Variants in SMIM36 observed in about 807,000 individuals in gnomAD.
The protein encoded by SMIM36 is small integral membrane protein 36.
chr17:55,460,455 A>AAAAAAAAAAAAAAAC (rs1567862737), intron 4 of SMIM36, among the ~76,000 whole-genome samples: 8 of 148,798 alleles, frequency 5.4e-5, no homozygotes, highest in African/African-American at 1.5e-4. Context: ...AACAAAACAA[A>AAAAAAAAAAAAAAAC]AAAAAAGAAC....
intron 1 of SMIM36, among the ~76,000 whole-genome samples, chr17:55,497,905 C>T (rs1475535162): frequency 1.3e-5 from 2 of 152,270 alleles, no homozygotes; most frequent in African/African-American, 2.4e-5. Context: ...ACATCCTAAA[C>T]ATTCCTTTTA....
intron 1 of SMIM36, among the ~76,000 whole-genome samples, chr17:55,502,102 A>G (rs1909999236): frequency 6.6e-6 from 1 of 151,442 alleles, no homozygotes; most frequent in Non-Finnish European, 1.5e-5. Flanking sequence ...GATTGCTAGC[A>G]CAGCAGTCTG....
the SMIM36 span, among the ~76,000 whole-genome samples, chr17:55,526,157 T>A: frequency 6.6e-6 from 1 of 151,926 alleles, no homozygotes; most frequent in African/African-American, 2.4e-5. Flanking sequence ...TTATGATTAT[T>A]ATTTGAGATG....
At chr17:55,455,218 G>A (rs778649069) in intron 4 of SMIM36, among the ~76,000 whole-genome samples, 1 of 152,184 alleles carries the variant, frequency 6.6e-6, no homozygotes, top group Non-Finnish European at 1.5e-5. Context: ...ATATGATAGG[G>A]AATACATGGT....
Position 55,500,944 on chromosome 17 carries a change from TTATAA to T in SMIM36, c.*174+9930_*174+9934del, listed in dbSNP as rs1239505036. 9.2e-5 allele frequency among the ~76,000 whole-genome samples: 4 copies of T among 43,586 alleles called. 2 individuals are homozygous for T. Among genetic ancestry groups the T allele is most frequent in the African/African-American group, 4.6e-4 (4 of 8,658 alleles). 28.6% of individuals were successfully genotyped at this position (43,586 alleles called of 152,430 possible). A position where few individuals can be genotyped will look rare whatever the true frequency, so the allele number is the denominator to read the frequency against. ...AATATATTATATTTTATAATATATA[TTATAA>T]TATATTATATTTTATAATATATATT... On this transcript the variant is annotated intron_variant, in intron 1 of 4. Transcript: ENST00000636752.
chr17:55,471,308 C>G (rs1295952730), intron 3 of SMIM36, among the ~76,000 whole-genome samples: 1 of 152,168 alleles, frequency 6.6e-6, no homozygotes, highest in African/African-American at 2.4e-5. Context: ...TGATGATCTT[C>G]TTCTTTGCAG....
intron 1 of SMIM36, among the ~76,000 whole-genome samples, chr17:55,480,304 G>A (rs1909498400): frequency 6.6e-6 from 1 of 151,128 alleles, no homozygotes; most frequent in African/African-American, 2.4e-5. Context: ...AATATTAAAT[G>A]CTAAATGTTT....
chr17:55,456,303 G>C (rs1030896098), intron 4 of SMIM36, among the ~76,000 whole-genome samples: 2 of 152,056 alleles, frequency 1.3e-5, no homozygotes, highest in Admixed American at 1.3e-4. Flanking sequence ...TGAGGGCTAC[G>C]GCCCATTCTT....
In SMIM36 at chr17:55,501,039, A is replaced by T. The variant is rs956651003; in HGVS notation, c.*174+9840T>A. Among the ~76,000 whole-genome samples, 8 of 15,630 alleles carry T rather than the reference A, an allele frequency of 5.1e-4. 3 individuals are homozygous for T. The highest frequency in any genetic ancestry group is 2.1e-3 in the Admixed American group (2 of 960). The allele number at this position is 15,630 out of a possible 152,430, so 10.3% of individuals were successfully genotyped here. A position where few individuals can be genotyped will look rare whatever the true frequency, so the allele number is the denominator to read the frequency against. On this transcript the variant is annotated intron_variant, in intron 1 of 4. Transcript: ENST00000636752. ...ATTTTGTAATATATAATATATTATT[A>T]TATATTATAATATATAATATATTAT...
chr17:55,512,292 C>T (rs1339785902), upstream of SMIM36, among the ~76,000 whole-genome samples: 1 of 152,152 alleles, frequency 6.6e-6, no homozygotes, highest in Non-Finnish European at 1.5e-5. Flanking sequence ...GGCAGTGTGA[C>T]TGGAGCATAA....
At chr17:55,453,750 T>C (rs1908967203) in intron 4 of SMIM36, among the ~76,000 whole-genome samples, 1 of 152,220 alleles carries the variant, frequency 6.6e-6, no homozygotes, top group Non-Finnish European at 1.5e-5. Flanking sequence ...TTATTAGTTC[T>C]ACTATTAATG....
At chr17:55,507,722 G>T (rs1377535442) in intron 1 of SMIM36, among the ~76,000 whole-genome samples, 1 of 143,230 alleles carries the variant, frequency 7.0e-6, no homozygotes, top group African/African-American at 2.6e-5. Context: ...AAAACTTAAA[G>T]TATAATAAAA....
chr17:55,526,663 G>A, the SMIM36 span, among the ~76,000 whole-genome samples: 37 of 152,302 alleles, frequency 2.4e-4, no homozygotes, highest in African/African-American at 8.7e-4. Flanking sequence ...GGACAATAAT[G>A]GCTTTTGGAT....
chr17:55,529,577 C>A, the SMIM36 span, among the ~76,000 whole-genome samples: 1 of 151,764 alleles, frequency 6.6e-6, no homozygotes, highest in Non-Finnish European at 1.5e-5. Flanking sequence ...ACCATCCTGG[C>A]TAACACAGTG....
chr17:55,500,916 T>C lies in SMIM36; in HGVS notation c.*174+9963A>G, dbSNP rs1212210269. On this transcript the variant is annotated intron_variant, in intron 1 of 4. Coordinates refer to ENST00000636752, the Ensembl canonical transcript of SMIM36. ...TATAATATATTATATTATAATATAT[T>C]ATAATATATTATATTTTATAATATA... Among the ~76,000 whole-genome samples, 13 of 25,562 alleles carry C rather than the reference T, an allele frequency of 5.1e-4. 6 individuals carry two copies. Among genetic ancestry groups the C allele is most frequent in the African/African-American group, 2.7e-3 (12 of 4,392 alleles). 16.8% of individuals were successfully genotyped at this position (25,562 alleles called of 152,430 possible). A position where few individuals can be genotyped will look rare whatever the true frequency, so the allele number is the denominator to read the frequency against.
intron 1 of SMIM36, among the ~76,000 whole-genome samples, chr17:55,485,728 T>C (rs1200709870): frequency 6.6e-6 from 1 of 152,230 alleles, no homozygotes; most frequent in African/African-American, 2.4e-5. Context: ...AAGTACTTTG[T>C]ATGTTATAGT....
chr17:55,511,077 T>C (rs1668568692), exon 1 of SMIM36: 1 of 398,484 alleles, frequency 2.5e-6, no homozygotes, highest in African/African-American at 2.1e-5. Context: ...TTTTCTTTCC[T>C]AGTGGAGCAG....
intron 4 of SMIM36, chr17:55,454,112 C>T (rs1475427217): frequency 6.6e-6 from 1 of 152,140 alleles, no homozygotes; most frequent in Non-Finnish European, 1.5e-5. Flanking sequence ...TTGACAAAAC[C>T]AGAAGTAACT....
the SMIM36 span, among the ~76,000 whole-genome samples, chr17:55,525,829 TG>T: frequency 6.6e-6 from 1 of 152,122 alleles, no homozygotes; most frequent in Non-Finnish European, 1.5e-5. Flanking sequence ...GGCTAATTTT[TG>T]TATTTTTAGT....
Sources: gnomAD v4.1 joint callset for allele counts (sites outside exome capture counted in the v4.1 genomes callset) on GRCh38, gnomAD v4.1.1 for gene constraint, MANE v1.5 for transcripts, NCBI Gene and HGNC (gene_info 2026-07-23, HGNC 2026-07-21) for gene names.